Variants in F13B observed in about 807,000 individuals in gnomAD.
F13B encodes coagulation factor XIII B chain, also known as TGase.
In F13B, 58 loss-of-function variants were observed where a neutral mutation model predicts 79.8. The observed-to-expected ratio is 0.73, with a 90% confidence interval of 0.59 to 0.90. The LOEUF (loss-of-function observed/expected upper bound fraction) is 0.90, where lower values mean the gene tolerates loss of function less well. Among genes scored for constraint, F13B ranks in the 40% least tolerant of loss-of-function variants. The pLI is 0.00. For missense variants in F13B, 773 were observed against 777.0 expected (o/e 0.99, Z 0.06); for synonymous variants, 283 against 260.3 (o/e 1.09, Z -0.84).
At chr1:197,060,051 T>C (rs1354684743) in intron 5 of F13B, among the ~76,000 whole-genome samples, 1 of 152,094 alleles carries the variant, frequency 6.6e-6, no homozygotes, top group East Asian at 1.9e-4. Context: ...GCTGCCAGAT[T>C]GGGGTAATTA....
At chr1:197,064,815 G>A (rs1043663444) in intron 1 of F13B, among the ~76,000 whole-genome samples, 2 of 152,116 alleles carry the variant, frequency 1.3e-5, no homozygotes, top group Non-Finnish European at 2.9e-5. Context: ...AGAAATGCTC[G>A]AACAATCCTA....
chr1:197,044,600 G>A (rs898226299), intron 10 of F13B, among the ~76,000 whole-genome samples: 2 of 152,042 alleles, frequency 1.3e-5, no homozygotes, highest in African/African-American at 2.4e-5. Flanking sequence ...ACAGATCAAC[G>A]AGACAGAAGG....
Position 197,049,621 on chromosome 1 carries a change from G to C in F13B, c.1738+1076C>G, listed in dbSNP as rs17514669. On this transcript the variant is annotated intron_variant, in intron 10 of 11. Transcript: ENST00000367412. ...ACTCAAGTCCCAGATGGCTTCTCTG[G>C]TTAACTCTTAAAATTATAAAGGAAG... is the stretch of plus-strand genomic sequence containing the variant. Among the ~76,000 whole-genome samples the C allele has an allele frequency of 7.3e-3, 1,116 of 152,084 alleles. 14 individuals carry two copies. The highest frequency in any genetic ancestry group is 0.026 in the African/African-American group (1,066 of 41,516).
chr1:197,050,654 T>A, intron 10 of F13B, 43 bp downstream of exon 10: 1 of 1,559,604 alleles, frequency 6.4e-7, no homozygotes, highest in Non-Finnish European at 8.8e-7. Context: ...AAATTAAAAA[T>A]ATATAGTTTT....
intron 7 of F13B, 136 bp from the exon 8 acceptor site, chr1:197,056,033 T>C (rs1655629317): frequency 1.1e-6 from 1 of 869,644 alleles, no homozygotes; most frequent in South Asian, 1.9e-5. Context: ...ATATGAAAAA[T>C]TTTTTCAGCT....
Position 197,039,265 on chromosome 1 carries a change from A to T in F13B, c.*113T>A. ...TGTTCAGCACAAATAATTTAGATTC[A>T]AATATTTAAGCAAGGAAAAACTCCG... On this transcript the variant is annotated 3_prime_UTR_variant, in exon 12 of 12. Coordinates refer to ENST00000367412, the MANE Select transcript of F13B (RefSeq NM_001994.3). The T allele has an allele frequency of 1.2e-6, 1 of 857,790 alleles. No homozygotes were observed. Among genetic ancestry groups the T allele is most frequent in the Non-Finnish European group, 1.9e-6 (1 of 522,378 alleles). 53.1% of individuals were successfully genotyped at this position (857,790 alleles called of 1,614,324 possible).
chr1:197,050,625 T>C lies in F13B; in HGVS notation c.1738+72A>G, dbSNP rs2125062309. 2.9e-6 allele frequency: 4 copies of C among 1,363,186 alleles called. No homozygotes were observed. In the Admixed American group the frequency reaches 5.4e-5, roughly 18 times the overall value. The allele number at this position is 1,363,186 out of a possible 1,614,324, so 84.4% of individuals were successfully genotyped here. ...AATATAGCATTATATTAGTGTTATG[T>C]TAACTCAAAAATGACAGCAAATTAA... On this transcript the variant is annotated intron_variant, in intron 10 of 11. Transcript: ENST00000367412.
Position 197,049,620 on chromosome 1 carries a change from G to T in F13B, c.1738+1077C>A, listed in dbSNP as rs17514676. Among the ~76,000 whole-genome samples, 1,117 of 152,030 alleles carry T rather than the reference G, an allele frequency of 7.3e-3. 14 individuals are homozygous for T. The highest frequency in any genetic ancestry group is 0.026 in the African/African-American group (1,067 of 41,502). ...AACTCAAGTCCCAGATGGCTTCTCTGGTTAACTCTTAAAATTATAAAGGAA... is the reference window on the plus strand; with the variant it reads ...AACTCAAGTCCCAGATGGCTTCTCTTGTTAACTCTTAAAATTATAAAGGAA... On this transcript the variant is annotated intron_variant, in intron 10 of 11. Transcript: ENST00000367412.
At position 197,057,456 on chromosome 1, in the gene F13B, T is replaced by C. The variant is rs1655688114; in HGVS notation, c.815A>G (p.Asn272Ser). ...PESPVCEGRRNRCPPPPLPIN... is the reference protein window; with the variant it reads ...PESPVCEGRRSRCPPPPLPIN... ...GGGCAGAGGTGGAGGAGGACATCTG[T>C]TTCTTCTTCCTTATGGAAAAAATTA... Residue 272 changes from asparagine to serine, a missense_variant, in exon 6 of 12, where the codon AAC becomes AGC. Transcript: ENST00000367412. 1 of 1,613,724 alleles carries C rather than the reference T, an allele frequency of 6.2e-7. No individual in the cohort carries two copies. Among genetic ancestry groups the C allele is most frequent in the East Asian group, 2.2e-5 (1 of 44,854 alleles).
At chr1:197,039,940 T>C (rs1386600641) in intron 11 of F13B, among the ~76,000 whole-genome samples, 1 of 152,060 alleles carries the variant, frequency 6.6e-6, no homozygotes, top group Non-Finnish European at 1.5e-5. Context: ...TATAGTGTCT[T>C]CAAAAAGGGT....
At chr1:197,042,694 C>T (rs910252111) in intron 10 of F13B, among the ~76,000 whole-genome samples, 7 of 131,188 alleles carry the variant, frequency 5.3e-5, no homozygotes, top group African/African-American at 1.8e-4. Context: ...GTGGCATGCA[C>T]CTGTAATCCC....
chr1:197,060,517 T>G lies in F13B; in HGVS notation c.654A>C (p.Leu218Phe). The stretch of plus-strand genomic sequence containing the variant: ...CAGGATGAAAATAACCATTTTCAAT[T>G]AATCTTAAAGAAGAGCACTTTAATT... ...CTKLKCSSLRLIENGYFHPVK... is the reference protein window; with the variant it reads ...CTKLKCSSLRFIENGYFHPVK... Residue 218 changes from leucine (L) to phenylalanine (F), a missense_variant, in exon 5 of 12, where the codon TTA (leucine) becomes TTC (phenylalanine). By Grantham distance (22) the Leu-to-Phe change is conservative. Coordinates refer to ENST00000367412, the MANE Select transcript of F13B (RefSeq NM_001994.3). 2 of 1,597,344 alleles carry G rather than the reference T, an allele frequency of 1.3e-6. No individual in the cohort carries two copies.
rs140104651 is a variant in F13B at position 197,046,031 on chromosome 1, G to C, written c.1738+4666C>G. 9.9e-5 allele frequency among the ~76,000 whole-genome samples: 15 copies of C among 152,134 alleles called. No individual in the cohort carries two copies. The East Asian group carries it at 2.9e-3, about 29-fold the overall frequency. ...AATGTACCTCAAAATAATATGAGCT[G>C]TTCATGACAAACCCACCACCAATAT... On this transcript the variant is annotated intron_variant, in intron 10 of 11. Coordinates refer to ENST00000367412, the MANE Select transcript of F13B (RefSeq NM_001994.3).
chr1:197,046,861 C>A (rs572976888), intron 10 of F13B, among the ~76,000 whole-genome samples: 4 of 151,974 alleles, frequency 2.6e-5, no homozygotes, highest in African/African-American at 9.6e-5. Flanking sequence ...AATGCACACA[C>A]ATACAACCAT....
At chr1:197,064,012 G>C (rs1461792370) in intron 1 of F13B, among the ~76,000 whole-genome samples, 1 of 152,052 alleles carries the variant, frequency 6.6e-6, no homozygotes, top group African/African-American at 2.4e-5. Context: ...GCAATACTTG[G>C]CAAGAACTTG....
chr1:197,057,108 T>G lies in F13B; in HGVS notation c.1076A>C (p.Lys359Thr), dbSNP rs1655670867. Reference protein sequence around the residue: ...LHSKIYYNGDKVTYACKSGYL... With the variant: ...LHSKIYYNGDTVTYACKSGYL... Reference sequence around the variant, plus strand: ...GCCGCTTTTACATGCATATGTCACTTTATCCCCATTGTAATAAATCTTAGA... The same window carrying G: ...GCCGCTTTTACATGCATATGTCACTGTATCCCCATTGTAATAAATCTTAGA... Residue 359 changes from lysine to threonine, a missense_variant, in exon 7 of 12, where the codon AAA becomes ACA. By Grantham distance (78) the Lys-to-Thr change is moderately conservative. Transcript: ENST00000367412. 6.2e-7 allele frequency: 1 copy of G among 1,613,772 alleles called. No individual in the cohort carries two copies. The highest frequency in any genetic ancestry group is 2.2e-5 in the East Asian group (1 of 44,876).
intron 5 of F13B, 70 bp downstream of exon 5, chr1:197,060,296 T>C (rs1655802853): frequency 2.6e-6 from 3 of 1,153,526 alleles, no homozygotes; most frequent in Non-Finnish European, 3.8e-6. Context: ...ACAGGAATTT[T>C]GTCAGAGCTA....
chr1:197,063,005 G>A lies in F13B; in HGVS notation c.117C>T (p.Tyr39=). Reference sequence around the variant, plus strand: ...GAAAGTAAAAGCTTTTAAAAGTATAGTAATATTGGGCAATTCTTCCATTTT... The same window carrying A: ...GAAAGTAAAAGCTTTTAAAAGTATAATAATATTGGGCAATTCTTCCATTTT... ...HVENGRIAQY[Y]YTFKSFYFPM... Residue 39 remains tyrosine, a synonymous_variant, in exon 2 of 12, where the codon TAC becomes TAT. Coordinates refer to ENST00000367412, the MANE Select transcript of F13B (RefSeq NM_001994.3). 1 of 1,613,244 alleles carries A rather than the reference G, an allele frequency of 6.2e-7. No homozygotes were observed. The highest frequency in any genetic ancestry group is 8.5e-7 in the Non-Finnish European group (1 of 1,179,668).
intron 10 of F13B, among the ~76,000 whole-genome samples, chr1:197,042,264 G>A (rs1252870215): frequency 6.6e-6 from 1 of 152,172 alleles, no homozygotes; most frequent in Non-Finnish European, 1.5e-5. Context: ...TTACAAAATA[G>A]TTGTGAAAAT....
Sources: gnomAD v4.1 joint callset for allele counts (sites outside exome capture counted in the v4.1 genomes callset) on GRCh38, gnomAD v4.1.1 for gene constraint, MANE v1.5 for transcripts, NCBI Gene and HGNC (gene_info 2026-07-23, HGNC 2026-07-21) for gene names.